The following EXT2 variants were observed in gnomAD, a reference collection of about 807,000 sequenced individuals.
EXT2 encodes the protein exostosin-2.
A neutral mutation model predicts 81.6 loss-of-function variants in EXT2; 53 were observed. The observed-to-expected ratio is 0.65, with a 90% CI of 0.52 to 0.82. The LOEUF (loss-of-function observed/expected upper bound fraction) is 0.82. Ranked by LOEUF, EXT2 falls within the 40% of genes least tolerant of loss-of-function variation. The probability of loss-of-function intolerance (pLI) is 0.00; values close to 1 mark genes in which losing one functional copy is unlikely to be tolerated. For synonymous variants in EXT2, 320 were observed against 340.0 expected (o/e 0.94, Z 0.65); for missense variants, 774 against 910.2 (o/e 0.85, Z 1.93).
intron 8 of EXT2, among the ~76,000 whole-genome samples, chr11:44,186,982 T>TTTCCTCCCTTCCTTCCTTCC (rs1555015144): frequency 1.3e-5 from 1 of 78,756 alleles, no homozygotes; most frequent in African/African-American, 5.1e-5. Context: ...TTGTACAAAA[T>TTTCCTCCCTTCCTTCCTTCC]TTCCTTCCTT....
chr11:44,142,109 C>T (rs936107729), intron 7 of EXT2, among the ~76,000 whole-genome samples: 1 of 152,152 alleles, frequency 6.6e-6, no homozygotes, highest in African/African-American at 2.4e-5. Context: ...TAACATGCTA[C>T]AAATATTGGC....
chr11:44,197,071 T>A (rs1323431868), intron 8 of EXT2, among the ~76,000 whole-genome samples: 1 of 152,162 alleles, frequency 6.6e-6, no homozygotes, highest in Non-Finnish European at 1.5e-5. Flanking sequence ...CCATTCAGAA[T>A]GTAGATTTTT....
intron 8 of EXT2, among the ~76,000 whole-genome samples, chr11:44,176,062 C>G (rs551319592): frequency 6.6e-6 from 1 of 152,298 alleles, no homozygotes; most frequent in Middle Eastern, 3.4e-3. Flanking sequence ...TGAGCCTCCT[C>G]TGGGCTGAAA....
chr11:44,199,219 G>C (rs1477125362), intron 9 of EXT2, among the ~76,000 whole-genome samples: 1 of 152,082 alleles, frequency 6.6e-6, no homozygotes, highest in Non-Finnish European at 1.5e-5. Context: ...GAAAGGGAGG[G>C]GTAAAAGAAA....
chr11:44,152,566 G>C, intron 7 of EXT2, among the ~76,000 whole-genome samples: 1 of 152,118 alleles, frequency 6.6e-6, no homozygotes, highest in East Asian at 1.9e-4. Flanking sequence ...GGCCAGGCTG[G>C]TCTTGAACTC....
intron 7 of EXT2, among the ~76,000 whole-genome samples, chr11:44,138,534 G>A (rs1954602421): frequency 6.6e-6 from 1 of 151,898 alleles, no homozygotes; most frequent in Admixed American, 6.6e-5. Flanking sequence ...CAATTCAGTG[G>A]GTCACGACTG....
At chr11:44,122,085 G>A (rs1023197915) in intron 4 of EXT2, among the ~76,000 whole-genome samples, 1 of 151,770 alleles carries the variant, frequency 6.6e-6, no homozygotes, top group Non-Finnish European at 1.5e-5. Context: ...TTCTGGAGAG[G>A]GTAGAACACT....
chr11:44,198,859 T>C (rs1208549540), intron 9 of EXT2, among the ~76,000 whole-genome samples: 1 of 152,296 alleles, frequency 6.6e-6, no homozygotes, highest in East Asian at 1.9e-4. Context: ...TATACTGAAG[T>C]CGGGAAAGTC....
At position 44,144,226 on chromosome 11, in the gene EXT2, G is replaced by C. The variant is rs754336754; in HGVS notation, c.1173+14088G>C. 23 of 1,590,832 alleles carry C rather than the reference G, an allele frequency of 1.4e-5. No individual in the cohort carries two copies. The African/African-American group carries it at 1.7e-4, about 12-fold the overall frequency. On this transcript the variant is annotated intron_variant, in intron 7 of 13. Coordinates refer to ENST00000533608, the MANE Select transcript of EXT2 (RefSeq NM_207122.2). ...TTTTTGATGACACATCTTGATTAAA[G>C]GTTTCCAATTCACCTTTCAGCTCTT...
chr11:44,218,568 G>GA (rs989006915), intron 10 of EXT2, among the ~76,000 whole-genome samples: 2 of 152,104 alleles, frequency 1.3e-5, no homozygotes, highest in African/African-American at 4.8e-5. Flanking sequence ...TGTGCTAGTG[G>GA]AAAATCTATA....
In EXT2 at chr11:44,247,362, G is replaced by C. The variant is rs1956104268; in HGVS notation, c.*3075G>C. On this transcript the variant is annotated 3_prime_UTR_variant, in exon 14 of 14. Coordinates refer to ENST00000533608, the MANE Select transcript of EXT2 (RefSeq NM_207122.2). ...CCTCCCAGGTTCAAGTGATTCTCCT[G>C]CCTCAGCCTCCTGAGTAGCTGGGAT... 1.3e-5 allele frequency among the ~76,000 whole-genome samples: 2 copies of C among 148,662 alleles called. No individual in the cohort carries two copies. Among genetic ancestry groups the C allele is most frequent in the Non-Finnish European group, 3.0e-5 (2 of 67,656 alleles).
intron 7 of EXT2, among the ~76,000 whole-genome samples, chr11:44,148,648 C>A (rs1954752682): frequency 6.6e-6 from 1 of 152,150 alleles, no homozygotes; most frequent in Non-Finnish European, 1.5e-5. Flanking sequence ...TAAAATAGCG[C>A]CCAATACATA....
intron 1 of EXT2, among the ~76,000 whole-genome samples, chr11:44,106,940 T>C (rs1322025850): frequency 3.3e-5 from 5 of 152,216 alleles, no homozygotes; most frequent in African/African-American, 1.2e-4. Flanking sequence ...AAAACAGATT[T>C]TGGAATGATG....
intron 8 of EXT2, among the ~76,000 whole-genome samples, chr11:44,188,197 A>T (rs1222151439): frequency 1.3e-5 from 2 of 152,208 alleles, no homozygotes; most frequent in Admixed American, 1.3e-4. Context: ...GTATCCTGGG[A>T]GGTGAGTGGG....
At position 44,171,615 on chromosome 11, in the gene EXT2, G is replaced by A. The variant is rs138187791; in HGVS notation, c.1178G>A (p.Arg393Gln). ...RQIEEMQRQARWFWEAYFQSI... is the reference protein window; with the variant it reads ...RQIEEMQRQAQWFWEAYFQSI... ...ACAGCATTATTTTCTTTATAGGCCC[G>A]GTGGTTCTGGGAAGCGTACTTCCAG... Residue 393 changes from arginine (R) to glutamine (Q), a missense_variant, in exon 8 of 14, where the codon CGG (arginine) becomes CAG (glutamine). Physicochemically the swap from Arg to Gln is conservative, Grantham distance 43. This residue lies in a region of EXT2 where 626 missense variants were observed against 670.5 expected (regional missense o/e 0.93). Transcript: ENST00000533608. 1.5e-3 allele frequency: 2,441 copies of A among 1,614,128 alleles called. 3 individuals carry two copies. The highest frequency in any genetic ancestry group is 2.4e-3 in the Admixed American group (143 of 60,024).
intron 10 of EXT2, among the ~76,000 whole-genome samples, chr11:44,216,461 A>G (rs1160137478): frequency 1.3e-5 from 2 of 152,210 alleles, no homozygotes; most frequent in Non-Finnish European, 2.9e-5. Flanking sequence ...GTGATAGCCA[A>G]CAGCATGTTG....
intron 13 of EXT2, among the ~76,000 whole-genome samples, chr11:44,237,368 C>T (rs988186151): frequency 6.6e-6 from 1 of 152,096 alleles, no homozygotes; most frequent in Admixed American, 6.5e-5. Context: ...CATGTATAAA[C>T]ATTACCCAGA....
At chr11:44,138,990 A>G (rs1954608332) in intron 7 of EXT2, among the ~76,000 whole-genome samples, 1 of 152,202 alleles carries the variant, frequency 6.6e-6, no homozygotes, top group Non-Finnish European at 1.5e-5. Context: ...AAAGAACCAC[A>G]GTAAGTTACA....
chr11:44,236,340 TG>T lies in EXT2; in HGVS notation c.1986del (p.Leu663PhefsTer3). ...FKCPECTAID[G>X]LSLDQTHMVE... ...AGTGTCCTGAGTGCACAGCCATAGA[TG>T]GGCTTTCACTAGACCAAACACACAT... is the stretch of plus-strand genomic sequence containing the variant. On this transcript the variant is annotated frameshift_variant, in exon 13 of 14. Coordinates refer to ENST00000533608, the MANE Select transcript of EXT2 (RefSeq NM_207122.2). LOFTEE classifies it high-confidence loss of function. The T allele has an allele frequency of 6.2e-7, 1 of 1,614,128 alleles. No homozygotes were observed. The highest frequency in any genetic ancestry group is 8.5e-7 in the Non-Finnish European group (1 of 1,180,016).
Sources: gnomAD v4.1 joint callset for allele counts (sites outside exome capture counted in the v4.1 genomes callset) on GRCh38, gnomAD v4.1.1 for gene constraint, gnomAD v4.1.1 regional missense constraint, MANE v1.5 for transcripts, NCBI Gene and HGNC (gene_info 2026-07-23, HGNC 2026-07-21) for gene names.